ERC2: variants seen among roughly 807,000 people sequenced by gnomAD.
ERC2 encodes ELKS/RAB6-interacting/CAST family member 2.
In ERC2, 42 loss-of-function variants were observed where a neutral mutation model predicts 114.8. The ratio of observed to expected loss-of-function variants is 0.37; its 90% CI spans 0.29 to 0.47. The LOEUF is 0.47. ERC2 is among the 20% of genes least tolerant of loss of function. ERC2 has a pLI of 0.99. For synonymous variants in ERC2, 454 were observed against 425.5 expected, an observed-to-expected ratio of 1.07 and a Z score of -0.82; for missense variants, 939 against 1,150.7, an observed-to-expected ratio of 0.82 and a Z score of 2.66.
chr3:55,925,012 G>A (rs1043925962), intron 13 of ERC2, among the ~76,000 whole-genome samples: 3 of 152,124 alleles, frequency 2.0e-5, no homozygotes, highest in African/African-American at 7.2e-5. Flanking sequence ...GCTTAAACAA[G>A]GTTATTTAAT....
intron 4 of ERC2, among the ~76,000 whole-genome samples, chr3:56,159,680 C>A (rs1223005165): frequency 6.6e-6 from 1 of 151,496 alleles, no homozygotes; most frequent in Non-Finnish European, 1.5e-5. Flanking sequence ...CTAGTAGTCC[C>A]CAGTTTCTAT....
intron 14 of ERC2, among the ~76,000 whole-genome samples, chr3:55,781,837 A>G (rs1575585025): frequency 7.0e-6 from 1 of 143,770 alleles, no homozygotes; most frequent in African/African-American, 2.6e-5. Context: ...GCCCTACTAC[A>G]CTCCCGCCGG....
chr3:56,232,997 T>C (rs1458231696), intron 3 of ERC2, among the ~76,000 whole-genome samples: 1 of 152,228 alleles, frequency 6.6e-6, no homozygotes, highest in Admixed American at 6.5e-5. Flanking sequence ...GCATTGGCAC[T>C]TTCTTTTTAT....
At chr3:56,225,322 T>C (rs754411385) in intron 3 of ERC2, among the ~76,000 whole-genome samples, 7 of 152,098 alleles carry the variant, frequency 4.6e-5, no homozygotes, top group African/African-American at 1.4e-4. Flanking sequence ...TAATCCACAA[T>C]TGGACATAAT....
chr3:55,763,290 T>C (rs983870651), intron 14 of ERC2, among the ~76,000 whole-genome samples: 1 of 152,206 alleles, frequency 6.6e-6, no homozygotes, highest in Non-Finnish European at 1.5e-5. Context: ...TTAAATAGTA[T>C]TGATTTTAGA....
rs74394609 is a variant in ERC2, at chr3:55,604,488, A to G, written c.*39+79306T>C. 3.6e-3 allele frequency among the ~76,000 whole-genome samples: 555 copies of G among 152,092 alleles called. 5 individuals are homozygous for G. Among genetic ancestry groups the G allele is most frequent in the Non-Finnish European group, 4.3e-3 (294 of 67,994 alleles). ...TCTCTACCCTACTTCCCTTTTCTCT[A>G]TGTTCCTGCTGACACTACACTCAGC... is the stretch of plus-strand genomic sequence containing the variant. On this transcript the variant is annotated intron_variant, in intron 17 of 17. Coordinates refer to ENST00000288221, the MANE Select transcript of ERC2 (RefSeq NM_015576.3).
chr3:55,895,654 A>G (rs1271697136), intron 13 of ERC2, among the ~76,000 whole-genome samples: 2 of 152,122 alleles, frequency 1.3e-5, no homozygotes, highest in Non-Finnish European at 2.9e-5. Context: ...TCTTCTTTGC[A>G]AGCCCCTTCA....
At chr3:56,167,096 C>T (rs148936225) in intron 4 of ERC2, among the ~76,000 whole-genome samples, 3 of 152,236 alleles carry the variant, frequency 2.0e-5, no homozygotes, top group African/African-American at 7.2e-5. Context: ...TTACCAAAAT[C>T]ATGCCAGTTT....
At chr3:55,642,300 G>A (rs1011127305) in intron 17 of ERC2, among the ~76,000 whole-genome samples, 1 of 150,710 alleles carries the variant, frequency 6.6e-6, no homozygotes, top group Non-Finnish European at 1.5e-5. Flanking sequence ...TGGCTCCTAC[G>A]CTTTCCACAG....
At chr3:55,574,853 T>G (rs1194075999) in intron 17 of ERC2, among the ~76,000 whole-genome samples, 1 of 152,134 alleles carries the variant, frequency 6.6e-6, no homozygotes, top group African/African-American at 2.4e-5. Context: ...CAGGCCAGAA[T>G]GGGCCCTCTG....
chr3:55,869,750 C>T (rs1467630830), intron 14 of ERC2, among the ~76,000 whole-genome samples: 4 of 152,114 alleles, frequency 2.6e-5, no homozygotes, highest in African/African-American at 9.7e-5. Flanking sequence ...TAGGCAGGGA[C>T]CATGTCACTA....
chr3:56,295,937 T>C, intron 3 of ERC2, 82 bp downstream of exon 3: 2 of 1,400,646 alleles, frequency 1.4e-6, no homozygotes. Context: ...GATGTAGATA[T>C]CTTCCAACCT....
In ERC2 at chr3:56,345,801, G is replaced by A. The variant is rs140728114; in HGVS notation, c.658-49366C>T. Reference sequence around the variant, plus strand: ...ATGCCCACACTTAGGAATATTGTGGGATGGTTGAGCAAACACATGCATGCA... The same window carrying A: ...ATGCCCACACTTAGGAATATTGTGGAATGGTTGAGCAAACACATGCATGCA... On this transcript the variant is annotated intron_variant, in intron 2 of 17. Transcript: ENST00000288221. Among the ~76,000 whole-genome samples, 145 of 152,304 alleles carry A rather than the reference G, an allele frequency of 9.5e-4. 1 individual carries two copies. The highest frequency in any genetic ancestry group is 3.3e-3 in the African/African-American group (138 of 41,570).
At chr3:55,930,665 T>G (rs907573755) in intron 13 of ERC2, among the ~76,000 whole-genome samples, 1 of 152,072 alleles carries the variant, frequency 6.6e-6, no homozygotes, top group African/African-American at 2.4e-5. Flanking sequence ...AAGAAAACCT[T>G]GGCAATACTA....
intron 14 of ERC2, among the ~76,000 whole-genome samples, chr3:55,801,134 T>C (rs1342859080): frequency 6.6e-6 from 1 of 152,214 alleles, no homozygotes; most frequent in East Asian, 1.9e-4. Context: ...CAAGTTGAAA[T>C]ATCTGTTTCT....
chr3:55,976,086 C>T (rs1303570194), intron 12 of ERC2, among the ~76,000 whole-genome samples: 1 of 152,198 alleles, frequency 6.6e-6, no homozygotes, highest in African/African-American at 2.4e-5. Context: ...ATCTAAAACA[C>T]AGCCTGGCCA....
intron 14 of ERC2, among the ~76,000 whole-genome samples, chr3:55,769,728 T>TA (rs1483686557): frequency 3.9e-5 from 6 of 152,100 alleles, no homozygotes; most frequent in Non-Finnish European, 8.8e-5. Flanking sequence ...TAAAAGACGG[T>TA]ATTCATCCAC....
rs183534595 is a variant in ERC2, at chr3:55,546,162, C to T, written c.*40-34886G>A. ...AATACAATGAAAAGAAGAATAACGGCGACAGCAGCTACCCAGGAGGCAGAG... is the reference window on the plus strand; with the variant it reads ...AATACAATGAAAAGAAGAATAACGGTGACAGCAGCTACCCAGGAGGCAGAG... On this transcript the variant is annotated intron_variant, in intron 17 of 17. Transcript: ENST00000288221. Among the ~76,000 whole-genome samples the T allele has an allele frequency of 9.9e-5, 15 of 152,222 alleles. No homozygotes were observed. In the East Asian group the frequency reaches 2.5e-3, roughly 26 times the overall value.
chr3:55,993,573 T>C (rs1271246495), intron 10 of ERC2, among the ~76,000 whole-genome samples: 1 of 152,036 alleles, frequency 6.6e-6, no homozygotes, highest in African/African-American at 2.4e-5. Context: ...TTAGAAATAA[T>C]ATTTTTGCAT....
Sources: gnomAD v4.1 joint callset for allele counts (sites outside exome capture counted in the v4.1 genomes callset) on GRCh38, gnomAD v4.1.1 for gene constraint, MANE v1.5 for transcripts, NCBI Gene and HGNC (gene_info 2026-07-23, HGNC 2026-07-21) for gene names.